FTCDNL1: variants seen among roughly 807,000 people sequenced by gnomAD.
FTCDNL1 encodes formiminotransferase cyclodeaminase N-terminal like.
FTCDNL1 carries 11 observed loss-of-function variants against 5.9 expected under a neutral mutation model. The observed-to-expected ratio is 1.87, with a 90% CI of 1.18 to 3.10. The LOEUF is 3.10. Ranked by LOEUF, FTCDNL1 falls within the 30% of genes most tolerant of loss-of-function variation. The pLI is 0.00. For missense variants in FTCDNL1, 115 were observed against 65.5 expected (o/e 1.76, Z -2.61); for synonymous variants, 58 against 24.8 (o/e 2.34, Z -3.99).
At chr2:199,802,382 C>A (rs1251783042) in intron 3 of FTCDNL1, among the ~76,000 whole-genome samples, 1 of 152,126 alleles carries the variant, frequency 6.6e-6, no homozygotes, top group East Asian at 1.9e-4. Flanking sequence ...GCCAGCAAAA[C>A]AAACAACATC....
chr2:199,697,043 C>T, the FTCDNL1 span, among the ~76,000 whole-genome samples: 41 of 152,204 alleles, frequency 2.7e-4, no homozygotes, highest in Middle Eastern at 3.4e-3. Context: ...GAGGCCAAGG[C>T]GGGTGGATCA....
At chr2:199,845,961 A>T (rs2106634513) in intron 3 of FTCDNL1, 114 bp downstream of exon 3, 1 of 501,624 alleles carries the variant, frequency 2.0e-6, no homozygotes, top group African/African-American at 1.9e-5. Context: ...TAGACTCTTT[A>T]CTTAATAGAG....
Position 199,848,804 on chromosome 2 carries a change from T to C in FTCDNL1, c.115+44A>G, listed in dbSNP as rs1174950011. 8.6e-6 allele frequency: 6 copies of C among 696,094 alleles called. No homozygotes were observed. The South Asian group carries it at 9.0e-5, about 10-fold the overall frequency. 43.1% of individuals were successfully genotyped at this position (696,094 alleles called of 1,614,324 possible). ...GCACAGTACAAAAATTACTAAATTA[T>C]CAAAACACTATAATATTCAGCTTCA... On this transcript the variant is annotated intron_variant, in intron 2 of 4. Transcript: ENST00000420128.
intron 3 of FTCDNL1, among the ~76,000 whole-genome samples, chr2:199,765,556 A>ATATATATTT: frequency 1.2e-4 from 5 of 42,662 alleles, no homozygotes; most frequent in Admixed American, 4.3e-4. Context: ...ATATATATAT[A>ATATATATTT]TTTTTTTTTT....
At chr2:199,673,950 C>G in the FTCDNL1 span, among the ~76,000 whole-genome samples, 1 of 152,188 alleles carries the variant, frequency 6.6e-6, no homozygotes, top group Admixed American at 6.5e-5. Flanking sequence ...GATTCACCCC[C>G]ATGCATCCAG....
chr2:199,751,424 G>A, the FTCDNL1 span, among the ~76,000 whole-genome samples: 1 of 152,144 alleles, frequency 6.6e-6, no homozygotes, highest in South Asian at 2.1e-4. Context: ...GGCTATGATC[G>A]AGTCAACCCT....
the FTCDNL1 span, among the ~76,000 whole-genome samples, chr2:199,751,077 G>C: frequency 1.3e-5 from 2 of 152,104 alleles, no homozygotes; most frequent in Admixed American, 1.3e-4. Flanking sequence ...CCTGAGACTG[G>C]ATTATATTCC....
At chr2:199,755,272 G>A in the FTCDNL1 span, among the ~76,000 whole-genome samples, 1 of 152,196 alleles carries the variant, frequency 6.6e-6, no homozygotes, top group South Asian at 2.1e-4. Flanking sequence ...TCTGTTTAGA[G>A]TCTACATTTC....
At chr2:199,781,082 T>A (rs1041725757) in intron 3 of FTCDNL1, among the ~76,000 whole-genome samples, 1 of 152,202 alleles carries the variant, frequency 6.6e-6, no homozygotes, top group Non-Finnish European at 1.5e-5. Context: ...TCCACATAGA[T>A]GTTCATATGA....
intron 4 of FTCDNL1, among the ~76,000 whole-genome samples, chr2:199,814,111 A>G (rs1239040578): frequency 6.6e-6 from 1 of 152,076 alleles, no homozygotes; most frequent in Non-Finnish European, 1.5e-5. Context: ...TCAAAAACAT[A>G]AACAGTTATT....
rs1300347777 is a variant in FTCDNL1 at position 199,812,155 on chromosome 2, G to C, written c.*550C>G. Among the ~76,000 whole-genome samples, 1 of 152,100 alleles carries C rather than the reference G, an allele frequency of 6.6e-6. No homozygotes were observed. Among genetic ancestry groups the C allele is most frequent in the Non-Finnish European group, 1.5e-5 (1 of 68,032 alleles). On this transcript the variant is annotated 3_prime_UTR_variant, in exon 5 of 5. Transcript: ENST00000420128. Reference sequence around the variant, plus strand: ...TGTTTTATTACTATTTCTTATTCAAGTAGTGATAAAACGGAGACAATTAAT... The same window carrying C: ...TGTTTTATTACTATTTCTTATTCAACTAGTGATAAAACGGAGACAATTAAT...
At chr2:199,844,866 G>T (rs1258797268) in intron 3 of FTCDNL1, among the ~76,000 whole-genome samples, 1 of 151,680 alleles carries the variant, frequency 6.6e-6, no homozygotes, top group Non-Finnish European at 1.5e-5. Flanking sequence ...CTTATTTTCA[G>T]AATGCCTTAT....
chr2:199,707,885 G>T, the FTCDNL1 span, among the ~76,000 whole-genome samples: 1 of 151,718 alleles, frequency 6.6e-6, no homozygotes, highest in African/African-American at 2.4e-5. Flanking sequence ...CTGTGTTTTG[G>T]CTTTATAGGA....
the FTCDNL1 span, among the ~76,000 whole-genome samples, chr2:199,751,064 G>A: frequency 3.9e-5 from 6 of 152,116 alleles, no homozygotes; most frequent in Non-Finnish European, 7.4e-5. Context: ...ATAACCTTGC[G>A]GACCTGAGAC....
chr2:199,751,582 C>G, the FTCDNL1 span, among the ~76,000 whole-genome samples: 2 of 152,018 alleles, frequency 1.3e-5, no homozygotes, highest in African/African-American at 4.8e-5. Context: ...AGGCAGAGCA[C>G]CCCCACTCCT....
the FTCDNL1 span, among the ~76,000 whole-genome samples, chr2:199,700,257 T>C: frequency 2.0e-5 from 3 of 152,066 alleles, no homozygotes; most frequent in Non-Finnish European, 4.4e-5. Context: ...ATACCAATAA[T>C]GTCCAAATTG....
chr2:199,710,410 G>A, the FTCDNL1 span, among the ~76,000 whole-genome samples: 1 of 152,036 alleles, frequency 6.6e-6, no homozygotes, highest in East Asian at 1.9e-4. Flanking sequence ...TCTTTAAACA[G>A]AAACACACAT....
chr2:199,736,448 T>C, the FTCDNL1 span, among the ~76,000 whole-genome samples: 1 of 152,312 alleles, frequency 6.6e-6, no homozygotes, highest in East Asian at 1.9e-4. Flanking sequence ...ACTCACAATG[T>C]GGATGCTAAC....
In FTCDNL1 at chr2:199,785,249, C is replaced by CTTTTTTTTTTTTTTTTTTT. The variant is rs61047289; in HGVS notation, c.212-24415_212-24414insAAAAAAAAAAAAAAAAAAA. Among the ~76,000 whole-genome samples the CTTTTTTTTTTTTTTTTTTT allele has an allele frequency of 9.1e-4, 70 of 76,864 alleles. 16 individuals carry two copies. Among genetic ancestry groups the CTTTTTTTTTTTTTTTTTTT allele is most frequent in the African/African-American group, 1.8e-3 (31 of 17,642 alleles). The allele number at this position is 76,864 out of a possible 152,430, so 50.4% of individuals were successfully genotyped here. A position where few individuals can be genotyped will look rare whatever the true frequency, so the allele number is the denominator to read the frequency against. On this transcript the variant is annotated intron_variant, in intron 3 of 3. Coordinates refer to the FTCDNL1 transcript ENST00000416668. Reference sequence around the variant, plus strand: ...AGGGTCTCTAAACTCTTCCAAATTCCTTTTTTTTTTTTTTTTGAGACAGAA... The same window carrying CTTTTTTTTTTTTTTTTTTT: ...AGGGTCTCTAAACTCTTCCAAATTCCTTTTTTTTTTTTTTTTTTTTTTTTTTTTTTTTTTTGAGACAGAA...
Sources: gnomAD v4.1 joint callset for allele counts (sites outside exome capture counted in the v4.1 genomes callset) on GRCh38, gnomAD v4.1.1 for gene constraint, MANE v1.5 for transcripts, NCBI Gene and HGNC (gene_info 2026-07-23, HGNC 2026-07-21) for gene names.